Variants in PABPC4L observed in about 807,000 individuals in gnomAD.
PABPC4L encodes poly(A) binding protein cytoplasmic 4 like, also known as polyadenylate-binding protein 4-like.
For synonymous variants in PABPC4L, 169 were observed against 164.1 expected (o/e 1.03, Z -0.23); for missense variants, 452 against 451.4 (o/e 1.00, Z -0.01).
At chr4:133,980,775 T>C in the PABPC4L span, among the ~76,000 whole-genome samples, 1 of 152,168 alleles carries the variant, frequency 6.6e-6, no homozygotes, top group African/African-American at 2.4e-5. Flanking sequence ...AAAAAAATGA[T>C]CATCTTAGAA....
the PABPC4L span, among the ~76,000 whole-genome samples, chr4:134,186,967 G>A: frequency 6.6e-6 from 1 of 152,112 alleles, no homozygotes; most frequent in African/African-American, 2.4e-5. Flanking sequence ...GGCCATCAGA[G>A]AAATGCAAAT....
chr4:134,125,868 TCA>T, the PABPC4L span, among the ~76,000 whole-genome samples: 6 of 151,840 alleles, frequency 4.0e-5, 1 homozygote, highest in East Asian at 1.9e-4. Context: ...TGATGTTTAT[TCA>T]CACACACACA....
the PABPC4L span, among the ~76,000 whole-genome samples, chr4:134,114,224 C>T: frequency 6.6e-6 from 1 of 151,700 alleles, no homozygotes; most frequent in African/African-American, 2.4e-5. Flanking sequence ...ACTCTCTTCA[C>T]ATCTGTCACA....
At chr4:134,024,744 A>AT in the PABPC4L span, among the ~76,000 whole-genome samples, 122,370 of 150,104 alleles carry the variant, frequency 0.82, 50,404 homozygotes, top group East Asian at 0.99. Flanking sequence ...TTTTTAAAAG[A>AT]TTTTTTTTAA....
the PABPC4L span, among the ~76,000 whole-genome samples, chr4:134,153,408 G>T: frequency 6.6e-6 from 1 of 151,758 alleles, no homozygotes; most frequent in Non-Finnish European, 1.5e-5. Flanking sequence ...TATTTTCCAT[G>T]CAAATGTCCA....
the PABPC4L span, among the ~76,000 whole-genome samples, chr4:134,003,936 A>C: frequency 6.6e-6 from 1 of 152,060 alleles, no homozygotes; most frequent in East Asian, 1.9e-4. Context: ...TTTTAACTGA[A>C]TATCCACAGG....
the PABPC4L span, among the ~76,000 whole-genome samples, chr4:133,993,270 G>C: frequency 9.2e-5 from 14 of 152,028 alleles, no homozygotes. Flanking sequence ...AGAGTAGAAT[G>C]AACACGTTCT....
chr4:134,125,981 G>C, the PABPC4L span, among the ~76,000 whole-genome samples: 1 of 152,066 alleles, frequency 6.6e-6, no homozygotes, highest in African/African-American at 2.4e-5. Flanking sequence ...GGGAATAGTA[G>C]GTAACTTTCA....
At chr4:134,024,811 CTTT>C in the PABPC4L span, among the ~76,000 whole-genome samples, 2 of 124,378 alleles carry the variant, frequency 1.6e-5, no homozygotes, top group African/African-American at 3.0e-5. Context: ...AATAAACTAG[CTTT>C]TTTTTTTTTT....
the PABPC4L span, among the ~76,000 whole-genome samples, chr4:134,086,996 C>G: frequency 1.4e-5 from 2 of 147,486 alleles, no homozygotes; most frequent in Non-Finnish European, 3.0e-5. Flanking sequence ...TGTTCCCCTT[C>G]CTGTGTCCAT....
the PABPC4L span, among the ~76,000 whole-genome samples, chr4:134,055,090 G>T: frequency 6.6e-6 from 1 of 151,880 alleles, no homozygotes; most frequent in Non-Finnish European, 1.5e-5. Flanking sequence ...GGTTACTAAT[G>T]ACTTGAAACA....
At chr4:133,984,420 A>G in the PABPC4L span, among the ~76,000 whole-genome samples, 1 of 151,868 alleles carries the variant, frequency 6.6e-6, no homozygotes, top group East Asian at 1.9e-4. Flanking sequence ...AGAAATGTAA[A>G]TTCAAAAATG....
chr4:133,966,760 G>T, the PABPC4L span, among the ~76,000 whole-genome samples: 1 of 152,080 alleles, frequency 6.6e-6, no homozygotes, highest in Non-Finnish European at 1.5e-5. Flanking sequence ...TAAACTATGA[G>T]GACACAAAGA....
the PABPC4L span, among the ~76,000 whole-genome samples, chr4:134,108,015 TA>T: frequency 6.6e-6 from 1 of 151,452 alleles, no homozygotes. Context: ...ATGTTTTAAA[TA>T]AAAAAGACCA....
At chr4:134,105,752 A>T in the PABPC4L span, among the ~76,000 whole-genome samples, 1 of 151,660 alleles carries the variant, frequency 6.6e-6, no homozygotes, top group Non-Finnish European at 1.5e-5. Flanking sequence ...ATGAATCAAA[A>T]CTAGAAAGGT....
the PABPC4L span, among the ~76,000 whole-genome samples, chr4:134,066,471 A>G: frequency 2.6e-5 from 4 of 152,050 alleles, no homozygotes; most frequent in Non-Finnish European, 4.4e-5. Context: ...CAGGTATAGA[A>G]TCATACTGTC....
chr4:134,100,714 T>G, the PABPC4L span, among the ~76,000 whole-genome samples: 1 of 151,654 alleles, frequency 6.6e-6, no homozygotes, highest in Admixed American at 6.6e-5. Context: ...GTTGATCAAT[T>G]AAAGGTGAAC....
the PABPC4L span, among the ~76,000 whole-genome samples, chr4:134,188,359 T>C: frequency 6.6e-5 from 10 of 152,088 alleles, no homozygotes; most frequent in African/African-American, 2.4e-4. Context: ...GGAAGATAAA[T>C]CATATTTTTA....
the PABPC4L span, among the ~76,000 whole-genome samples, chr4:134,012,256 C>T: frequency 6.6e-6 from 1 of 152,108 alleles, no homozygotes; most frequent in Non-Finnish European, 1.5e-5. Context: ...TCCCCTGTGA[C>T]CTGCACGTAC....
Sources: allele counts gnomAD v4.1 joint callset (sites outside exome capture counted in the v4.1 genomes callset), GRCh38; gene constraint gnomAD v4.1.1; transcripts MANE v1.5; gene names NCBI Gene and HGNC (gene_info 2026-07-23, HGNC 2026-07-21).